IRAK3: variants seen among roughly 807,000 people sequenced by gnomAD.
IRAK3 encodes interleukin 1 receptor associated kinase 3.
IRAK3 carries 57 observed loss-of-function variants against 56.6 expected under a neutral mutation model. The observed-to-expected ratio is 1.01, with a 90% confidence interval of 0.81 to 1.26. The LOEUF is 1.26. IRAK3 is among the 50% of genes most tolerant of loss of function. The probability of loss-of-function intolerance (pLI) is 0.00; values close to 1 mark genes in which losing one functional copy is unlikely to be tolerated. For missense variants in IRAK3, 703 were observed against 719.0 expected (o/e 0.98, Z 0.25); for synonymous variants, 258 against 255.7 (o/e 1.01, Z -0.09).
Position 66,197,737 on chromosome 12 carries a change from A to G in IRAK3, c.134-5974A>G, listed in dbSNP as rs2052468730. The G allele has an allele frequency of 5.1e-6, 5 of 985,294 alleles. No individual in the cohort carries two copies. In the South Asian group the frequency reaches 1.9e-4, roughly 37 times the overall value. The allele number at this position is 985,294 out of a possible 1,614,324, so 61.0% of individuals were successfully genotyped here. A position where few individuals can be genotyped will look rare whatever the true frequency, so the allele number is the denominator to read the frequency against. ...AACTCAGAACTATATGCCCCGGTCA[A>G]TGTTAGAGACCCTAAAACCCCAGCT... On this transcript the variant is annotated intron_variant, in intron 1 of 11. Coordinates refer to ENST00000261233, the MANE Select transcript of IRAK3 (RefSeq NM_007199.3).
intron 3 of IRAK3, 52 bp from the exon 4 acceptor site, chr12:66,210,095 T>C: frequency 8.3e-7 from 1 of 1,197,734 alleles, no homozygotes. Flanking sequence ...GAGGCTCTGT[T>C]CTTTCTAGAT....
chr12:66,207,935 G>A (rs2052573150), intron 2 of IRAK3, among the ~76,000 whole-genome samples: 2 of 152,208 alleles, frequency 1.3e-5, no homozygotes, highest in South Asian at 4.2e-4. Context: ...TCATTTAATT[G>A]CCTAAGGTCA....
chr12:66,241,512 A>G (rs1013512829), intron 8 of IRAK3, among the ~76,000 whole-genome samples: 10 of 152,214 alleles, frequency 6.6e-5, no homozygotes, highest in African/African-American at 2.4e-4. Flanking sequence ...TGAACATTCT[A>G]TTTAAGGTTG....
rs146109532 is a variant in IRAK3, at chr12:66,238,031, C to T, written c.888-6455C>T. 3.2e-3 allele frequency among the ~76,000 whole-genome samples: 483 copies of T among 152,222 alleles called. 8 individuals are homozygous for T. The highest frequency in any genetic ancestry group is 0.011 in the African/African-American group (441 of 41,526). On this transcript the variant is annotated intron_variant, in intron 8 of 11. Coordinates refer to ENST00000261233, the MANE Select transcript of IRAK3 (RefSeq NM_007199.3). ...GTCAAACAATGTCGTTGGAGCTGTA[C>T]AGCAGGAATTTTGGAGAAAGGAGGA... is the stretch of plus-strand genomic sequence containing the variant.
At position 66,203,817 on chromosome 12, in the gene IRAK3, C is replaced by T; in HGVS notation, c.240C>T (p.Asn80=). ...RELLWSWAQK[N]KTIGDLLQVL... ...TACTTTGGTCCTGGGCACAGAAAAA[C>T]AAGACCATCGGTGACCTTTTACAGG... Residue 80 remains asparagine, a synonymous_variant, in exon 2 of 12, where the codon AAC becomes AAT. Transcript: ENST00000261233. 6.2e-7 allele frequency: 1 copy of T among 1,614,044 alleles called. No individual in the cohort carries two copies.
chr12:66,227,946 A>T (rs954224570), intron 7 of IRAK3, among the ~76,000 whole-genome samples: 5 of 152,228 alleles, frequency 3.3e-5, no homozygotes, highest in Non-Finnish European at 7.3e-5. Flanking sequence ...TTGTACCACA[A>T]GTAACTTAAA....
intron 8 of IRAK3, among the ~76,000 whole-genome samples, chr12:66,238,732 A>G (rs2052933849): frequency 6.6e-6 from 1 of 152,236 alleles, no homozygotes; most frequent in Admixed American, 6.5e-5. Flanking sequence ...AGAAACACCC[A>G]CAGGAGAAGC....
chr12:66,196,706 AGT>A (rs1182058964), intron 1 of IRAK3: 1 of 186,168 alleles, frequency 5.4e-6, no homozygotes, highest in Non-Finnish European at 1.0e-5. Context: ...TTAACTAGTA[AGT>A]GTTAATGCTA....
At chr12:66,201,255 C>A (rs2052504927) in intron 1 of IRAK3, among the ~76,000 whole-genome samples, 1 of 152,192 alleles carries the variant, frequency 6.6e-6, no homozygotes, top group African/African-American at 2.4e-5. Flanking sequence ...TCCTATGAGA[C>A]CACCTTGGTT....
At chr12:66,217,123 G>GA in intron 5 of IRAK3, 48 bp from the exon 6 acceptor site, 1 of 1,384,836 alleles carries the variant, frequency 7.2e-7, no homozygotes, top group Non-Finnish European at 1.0e-6. Flanking sequence ...AAGAATCCCA[G>GA]AAACAGATCC....
At chr12:66,197,345 G>A in intron 1 of IRAK3, 3 of 1,019,512 alleles carry the variant, frequency 2.9e-6, no homozygotes, top group Non-Finnish European at 3.5e-6. Flanking sequence ...GACACGTAAG[G>A]GAGAGTTGAA....
chr12:66,247,516 A>T (rs2053046827), intron 11 of IRAK3, among the ~76,000 whole-genome samples, 179 bp from the exon 12 acceptor site: 1 of 152,158 alleles, frequency 6.6e-6, no homozygotes, highest in Non-Finnish European at 1.5e-5. Context: ...TAAGTCACTT[A>T]ATTTACTCCT....
At chr12:66,197,536 G>A in intron 1 of IRAK3, 1 of 985,166 alleles carries the variant, frequency 1.0e-6, no homozygotes, top group Non-Finnish European at 1.2e-6. Context: ...AGCTATTAAG[G>A]TTGCAGTGTG....
intron 8 of IRAK3, among the ~76,000 whole-genome samples, chr12:66,240,778 G>A (rs917918289): frequency 2.0e-5 from 3 of 150,714 alleles, no homozygotes; most frequent in South Asian, 2.1e-4. Context: ...GCACCCAGGC[G>A]CTGGACTGCT....
intron 8 of IRAK3, chr12:66,234,747 C>A: frequency 6.3e-7 from 1 of 1,595,456 alleles, no homozygotes; most frequent in East Asian, 2.2e-5. Flanking sequence ...GCAAAGCCAA[C>A]ACCACGACTT....
chr12:66,189,986 G>T (rs1315432019), intron 1 of IRAK3, among the ~76,000 whole-genome samples: 4 of 152,106 alleles, frequency 2.6e-5, no homozygotes, highest in African/African-American at 9.7e-5. Flanking sequence ...CTAAAGGGTG[G>T]CTTTTTATTT....
chr12:66,215,786 G>GCACGTGCACGTGCGCGCGCGCACA (rs368883846), intron 5 of IRAK3, among the ~76,000 whole-genome samples: 147 of 122,826 alleles, frequency 1.2e-3, no homozygotes, highest in Non-Finnish European at 2.2e-3. Context: ...AACCCAACAT[G>GCACGTGCACGTGCGCGCGCGCACA]CACACACACA....
In IRAK3 at chr12:66,196,998, T is replaced by C. The variant is rs1369688168; in HGVS notation, c.134-6713T>C. The C allele has an allele frequency of 5.9e-6, 9 of 1,534,190 alleles. No homozygotes were observed. In the Admixed American group the frequency reaches 1.2e-4, roughly 20 times the overall value. ...GTGTTGCATTATTTGAAAAAACCCC[T>C]TCAGAGACATATTTGCATATGGAGA... On this transcript the variant is annotated intron_variant, in intron 1 of 11. Coordinates refer to ENST00000261233, the MANE Select transcript of IRAK3 (RefSeq NM_007199.3).
chr12:66,204,788 A>G (rs200804172), intron 2 of IRAK3, among the ~76,000 whole-genome samples: 21,995 of 142,606 alleles, frequency 0.15, 2,336 homozygotes, highest in East Asian at 0.41. Flanking sequence ...GCACACACAC[A>G]CACACACACA....
Sources: gnomAD v4.1 joint callset for allele counts (sites outside exome capture counted in the v4.1 genomes callset) on GRCh38, gnomAD v4.1.1 for gene constraint, MANE v1.5 for transcripts, NCBI Gene and HGNC (gene_info 2026-07-23, HGNC 2026-07-21) for gene names.